ACSS2: variants seen among roughly 807,000 people sequenced by gnomAD.
ACSS2 encodes the protein acetyl-coenzyme A synthetase, cytoplasmic.
Under a neutral mutation model 90.6 loss-of-function variants are expected in ACSS2, and 58 were observed. That is an observed-to-expected ratio of 0.64 (90% CI 0.52 to 0.80). The LOEUF is 0.80. Among genes scored for constraint, ACSS2 ranks in the 30% least tolerant of loss-of-function variants. ACSS2 has a pLI of 0.00. For missense variants in ACSS2, 759 were observed against 912.0 expected (o/e 0.83, Z 2.16); for synonymous variants, 300 against 330.9 (o/e 0.91, Z 1.01).
At chr20:34,926,404 C>T (rs1288029615) in intron 16 of ACSS2, 123 bp downstream of exon 16, 3 of 996,642 alleles carry the variant, frequency 3.0e-6, no homozygotes, top group Non-Finnish European at 4.4e-6. Context: ...CCAGGGGGCC[C>T]CATGGGCTGA....
intron 2 of ACSS2, among the ~76,000 whole-genome samples, chr20:34,899,067 G>C (rs927697861): frequency 2.0e-5 from 3 of 152,306 alleles, no homozygotes; most frequent in African/African-American, 7.2e-5. Flanking sequence ...CTCATTGCCT[G>C]GGGCCGGCAG....
chr20:34,903,332 ACT>A (rs2080715012), intron 2 of ACSS2, among the ~76,000 whole-genome samples: 3 of 113,002 alleles, frequency 2.7e-5, no homozygotes, highest in African/African-American at 6.8e-5. Flanking sequence ...ACAGACTGAG[ACT>A]CTCTCAAAAA....
chr20:34,923,504 T>C, intron 14 of ACSS2, 73 bp downstream of exon 14: 2 of 1,083,218 alleles, frequency 1.8e-6, no homozygotes, highest in Non-Finnish European at 2.8e-6. Context: ...TCAGGAAGAG[T>C]TGGTGTGTTG....
Position 34,915,207 on chromosome 20 carries a change from G to A in ACSS2, c.834+770G>A, listed in dbSNP as rs748052550. On this transcript the variant is annotated intron_variant, in intron 7 of 17. Coordinates refer to ENST00000360596, the MANE Select transcript of ACSS2 (RefSeq NM_018677.4). ...CTCCTCACTACCCTTTTCATCCTGG[G>A]CTCTTAACAGGGTAAACTGAAAGAG... 21 of 1,613,918 alleles carry A rather than the reference G, an allele frequency of 1.3e-5. No homozygotes were observed. The East Asian group carries it at 4.7e-4, about 36-fold the overall frequency.
intron 1 of ACSS2, 119 bp from the exon 2 acceptor site, chr20:34,882,675 G>A: frequency 1.2e-6 from 1 of 854,354 alleles, no homozygotes; most frequent in East Asian, 2.7e-5. Flanking sequence ...AAGGGACCCA[G>A]GTGGTGGGTC....
intron 2 of ACSS2, among the ~76,000 whole-genome samples, chr20:34,897,034 A>C (rs6119544): frequency 9.6e-6 from 1 of 104,596 alleles, no homozygotes; most frequent in South Asian, 4.5e-4. Flanking sequence ...TCTCAAAAAA[A>C]GGAAAAAAAA....
At chr20:34,887,695 C>T (rs925944459) in intron 2 of ACSS2, among the ~76,000 whole-genome samples, 2 of 151,682 alleles carry the variant, frequency 1.3e-5, no homozygotes, top group African/African-American at 4.8e-5. Flanking sequence ...GAGCCGAGAT[C>T]GTGCCATTGC....
intron 10 of ACSS2, 34 bp from the exon 11 acceptor site, chr20:34,921,296 C>T (rs763945285): frequency 6.2e-7 from 1 of 1,613,214 alleles, no homozygotes; most frequent in South Asian, 1.1e-5. Flanking sequence ...CAGTAGTACT[C>T]AGAGCCTTCC....
At chr20:34,908,737 T>C (rs1358664696) in intron 2 of ACSS2, 2 of 323,078 alleles carry the variant, frequency 6.2e-6, no homozygotes, top group South Asian at 5.0e-5. Context: ...GGTGCACGCC[T>C]GTAATCCCAG....
intron 2 of ACSS2, among the ~76,000 whole-genome samples, chr20:34,899,094 C>T (rs1228809691): frequency 6.6e-6 from 1 of 152,192 alleles, no homozygotes; most frequent in Non-Finnish European, 1.5e-5. Context: ...CCGGCTGCTC[C>T]GAGTGCGGGG....
At chr20:34,889,743 T>A (rs2080289296) in intron 2 of ACSS2, among the ~76,000 whole-genome samples, 1 of 152,174 alleles carries the variant, frequency 6.6e-6, no homozygotes, top group Admixed American at 6.5e-5. Flanking sequence ...TGAAGATGGT[T>A]AGATGTGGTC....
chr20:34,893,295 A>T (rs935525188), intron 2 of ACSS2, among the ~76,000 whole-genome samples: 35 of 151,766 alleles, frequency 2.3e-4, no homozygotes, highest in African/African-American at 8.5e-4. Context: ...TCAAACTCCA[A>T]GGTCCAAGTG....
chr20:34,898,321 C>G (rs180983807), intron 2 of ACSS2, among the ~76,000 whole-genome samples: 1 of 152,222 alleles, frequency 6.6e-6, no homozygotes, highest in African/African-American at 2.4e-5. Context: ...TCTGTTTTGA[C>G]AGGGTGCCGA....
Position 34,919,576 on chromosome 20 carries a change from AGTGTGTGTGT to A in ACSS2, c.972+39_972+48del, listed in dbSNP as rs59343003. 9.9e-3 allele frequency: 14,482 copies of A among 1,467,980 alleles called. No homozygotes were observed. Among genetic ancestry groups the A allele is most frequent in the African/African-American group, 0.011 (750 of 68,592 alleles). 90.9% of individuals were successfully genotyped at this position (1,467,980 alleles called of 1,614,324 possible). A position where few individuals can be genotyped will look rare whatever the true frequency, so the allele number is the denominator to read the frequency against. On this transcript the variant is annotated splice_donor_5th_base_variant and intron_variant, in intron 8 of 17. Transcript: ENST00000360596. Reference sequence around the variant, plus strand: ...TGGCTCCACAGGCAAACCCAAGGCAAGTGTGTGTGTGTGTGTGTGTGTGTGTGTGTGTGTG... The same window carrying A: ...TGGCTCCACAGGCAAACCCAAGGCAAGTGTGTGTGTGTGTGTGTGTGTGTG...
At chr20:34,918,727 T>C (rs2081128998) in intron 7 of ACSS2, among the ~76,000 whole-genome samples, 1 of 152,258 alleles carries the variant, frequency 6.6e-6, no homozygotes, top group South Asian at 2.1e-4. Context: ...TGACTTATTT[T>C]ACTACTAACA....
intron 2 of ACSS2, among the ~76,000 whole-genome samples, chr20:34,906,303 C>T (rs1212323423): frequency 6.7e-6 from 1 of 149,972 alleles, no homozygotes; most frequent in African/African-American, 2.5e-5. Flanking sequence ...GCACTGCACT[C>T]CAGCCTGGGT....
chr20:34,901,732 G>A (rs2080663579), intron 2 of ACSS2, among the ~76,000 whole-genome samples: 2 of 152,118 alleles, frequency 1.3e-5, no homozygotes, highest in Admixed American at 1.3e-4. Flanking sequence ...AATTATATGG[G>A]GAGCTTATGC....
Position 34,921,076 on chromosome 20 carries a change from A to G in ACSS2, c.1214A>G (p.Lys405Arg). The G allele has an allele frequency of 6.2e-7, 1 of 1,614,060 alleles. No homozygotes were observed. Among genetic ancestry groups the G allele is most frequent in the African/African-American group, 1.3e-5 (1 of 74,990 alleles). ...ATTGTGGACAAATACAAGGTGACCA[A>G]GTTCTACACAGCACCCACAGCCATC... ...WSIVDKYKVT[K>R]FYTAPTAIRL... The change falls in exon 10 of 18, where the codon AAG (lysine) becomes AGG (arginine). Residue 405 changes from lysine (K) to arginine (R), a missense_variant. By Grantham distance (26) the Lys-to-Arg change is conservative. Transcript: ENST00000360596.
intron 2 of ACSS2, among the ~76,000 whole-genome samples, chr20:34,886,198 C>T (rs1269676037): frequency 6.6e-6 from 1 of 151,894 alleles, no homozygotes; most frequent in African/African-American, 2.4e-5. Flanking sequence ...TCTCTAACTT[C>T]CTTCTCTCTT....
Sources: gnomAD v4.1 joint callset for allele counts (sites outside exome capture counted in the v4.1 genomes callset) on GRCh38, gnomAD v4.1.1 for gene constraint, MANE v1.5 for transcripts, NCBI Gene and HGNC (gene_info 2026-07-23, HGNC 2026-07-21) for gene names.